Variants in SATB2 observed in about 807,000 individuals in gnomAD.
SATB2 encodes DNA-binding protein SATB2.
In SATB2, 1 loss-of-function variant was observed where a neutral mutation model predicts 73.4. That is an observed-to-expected ratio of 0.01 (90% confidence interval 0.00 to 0.06). The LOEUF (loss-of-function observed/expected upper bound fraction) is 0.06, where lower values mean the gene tolerates loss of function less well. SATB2 is among the 10% of genes least tolerant of loss of function. The probability of loss-of-function intolerance (pLI) is 1.00; values close to 1 mark genes in which losing one functional copy is unlikely to be tolerated. For missense variants in SATB2, 459 were observed against 945.8 expected, an observed-to-expected ratio of 0.49 and a Z score of 6.75; for synonymous variants, 397 against 367.0, an observed-to-expected ratio of 1.08 and a Z score of -0.93.
chr2:199,359,418 A>G (rs1689074510), intron 6 of SATB2, among the ~76,000 whole-genome samples: 1 of 152,234 alleles, frequency 6.6e-6, no homozygotes, highest in Admixed American at 6.5e-5. Context: ...AATAACTAGT[A>G]GAAACATAGA....
rs773072163 is a variant in SATB2 at position 199,455,996 on chromosome 2, G to C, written c.42C>G (p.Pro14=). 1.0e-4 allele frequency: 159 copies of C among 1,542,082 alleles called. No individual in the cohort carries two copies. Among genetic ancestry groups the C allele is most frequent in the Non-Finnish European group, 1.3e-4 (151 of 1,148,744 alleles). ...CGTCCGGGCTGCCGCTCCGCCGGTC[G>C]GGGCTGTCCCGCAGACACGGGCTCT... ...RSESPCLRDS[P]DRRSGSPDVK... The change falls in exon 2 of 11, where the codon CCC becomes CCG. Residue 14 remains proline (P), a synonymous_variant. Coordinates refer to ENST00000417098, the MANE Select transcript of SATB2 (RefSeq NM_001172509.2). The surrounding 1 kb of genome is among the most constrained non-coding windows in gnomAD (Gnocchi z 4.1).
intron 7 of SATB2, chr2:199,329,428 CAAAAA>C (rs5837677): frequency 2.5e-4 from 32 of 126,136 alleles, no homozygotes; most frequent in Admixed American, 6.2e-4. Flanking sequence ...ATTTCTTATG[CAAAAA>C]AAAAAAAAAA....
chr2:199,426,407 G>T (rs1691329555), intron 3 of SATB2, among the ~76,000 whole-genome samples: 1 of 151,986 alleles, frequency 6.6e-6, no homozygotes, highest in South Asian at 2.1e-4. Flanking sequence ...TCCTGCCTCA[G>T]CCTCCACAGT....
intron 3 of SATB2, among the ~76,000 whole-genome samples, chr2:199,409,450 G>A (rs957514993): frequency 3.9e-5 from 6 of 152,078 alleles, no homozygotes; most frequent in South Asian, 2.1e-4. Context: ...GATTACAGGC[G>A]TAAGCCACTG....
At chr2:199,469,847 C>T (rs1223212338), upstream of SATB2, 1 of 152,444 alleles carries the variant, frequency 6.6e-6, no homozygotes, top group Non-Finnish European at 1.5e-5. Context: ...ATGTTCACAC[C>T]TATTACATTT....
intron 7 of SATB2, among the ~76,000 whole-genome samples, chr2:199,332,326 T>C (rs1195917597): frequency 1.3e-5 from 2 of 152,036 alleles, no homozygotes; most frequent in Non-Finnish European, 2.9e-5. Context: ...CTGCACAAGG[T>C]AGAGAGATAC....
chr2:199,433,933 TAA>T (rs1691579311), intron 2 of SATB2, among the ~76,000 whole-genome samples: 1 of 152,052 alleles, frequency 6.6e-6, no homozygotes, highest in Non-Finnish European at 1.5e-5. Context: ...CACGTAAAAG[TAA>T]TATATTTCTC....
intron 7 of SATB2, among the ~76,000 whole-genome samples, chr2:199,339,726 A>G (rs1688449255): frequency 6.6e-6 from 1 of 152,196 alleles, no homozygotes; most frequent in Non-Finnish European, 1.5e-5. Flanking sequence ...AGAATTCTGA[A>G]TACCTTAAAG....
chr2:199,290,939 A>G (rs981362375), intron 10 of SATB2, among the ~76,000 whole-genome samples: 2 of 152,232 alleles, frequency 1.3e-5, no homozygotes, highest in Admixed American at 6.5e-5. Flanking sequence ...ACCTTTAAAA[A>G]CAATGCAGAA....
chr2:199,392,405 A>ACAATACC (rs1380680288), intron 3 of SATB2, among the ~76,000 whole-genome samples: 1 of 149,958 alleles, frequency 6.7e-6, no homozygotes, highest in Non-Finnish European at 1.5e-5. Context: ...GGCTGAATAG[A>ACAATACC]CAATACCCAG....
chr2:199,450,424 A>T (rs958374861), intron 2 of SATB2, among the ~76,000 whole-genome samples: 2 of 152,164 alleles, frequency 1.3e-5, no homozygotes, highest in African/African-American at 4.8e-5. Context: ...ACCATATATT[A>T]GTTATATAGG....
intron 3 of SATB2, among the ~76,000 whole-genome samples, chr2:199,427,410 T>TA (rs1002812065): frequency 1.1e-4 from 16 of 148,680 alleles, no homozygotes; most frequent in Admixed American, 4.0e-4. Flanking sequence ...AAGGCAACAC[T>TA]AAAAAAAAAA....
At chr2:199,278,904 A>G (rs1162762111) in intron 10 of SATB2, among the ~76,000 whole-genome samples, 1 of 152,242 alleles carries the variant, frequency 6.6e-6, no homozygotes, top group African/African-American at 2.4e-5. Context: ...AGAATTTTTT[A>G]AAAAGTATAT....
At chr2:199,427,174 A>G (rs1691361670) in intron 3 of SATB2, among the ~76,000 whole-genome samples, 1 of 152,182 alleles carries the variant, frequency 6.6e-6, no homozygotes, top group African/African-American at 2.4e-5. Flanking sequence ...CATCGTGCAC[A>G]GCCACTAATT....
chr2:199,438,922 C>G (rs1691729280), intron 2 of SATB2, among the ~76,000 whole-genome samples: 1 of 152,222 alleles, frequency 6.6e-6, no homozygotes, highest in Admixed American at 6.5e-5. Context: ...TTCAGGTTAT[C>G]CAGCTCTAAA....
At chr2:199,338,988 T>G (rs1426351009) in intron 7 of SATB2, among the ~76,000 whole-genome samples, 6 of 151,866 alleles carry the variant, frequency 4.0e-5, no homozygotes, top group African/African-American at 1.5e-4. Flanking sequence ...TTCTTCTGAT[T>G]CTCTTGCATG....
At chr2:199,380,548 G>A (rs997117216) in intron 4 of SATB2, 61 bp from the exon 5 acceptor site, 1 of 1,590,048 alleles carries the variant, frequency 6.3e-7, no homozygotes, top group Admixed American at 1.7e-5. Context: ...TGACTGAAGA[G>A]GAGACACTGC....
intron 3 of SATB2, chr2:199,397,798 A>G: frequency 2.4e-6 from 1 of 420,834 alleles, no homozygotes; most frequent in Non-Finnish European, 4.7e-6. Flanking sequence ...CTGAGGTGGG[A>G]GGATCCCTTA....
chr2:199,468,501 G>T (rs572749221), upstream of SATB2, among the ~76,000 whole-genome samples: 1 of 152,336 alleles, frequency 6.6e-6, no homozygotes, highest in South Asian at 2.1e-4. Context: ...AATTCCACCT[G>T]TGGGGAATCT....
Sources: allele counts gnomAD v4.1 joint callset (sites outside exome capture counted in the v4.1 genomes callset), GRCh38; gene constraint gnomAD v4.1.1; non-coding constraint Gnocchi (gnomAD v3.1); transcripts MANE v1.5; gene names NCBI Gene and HGNC (gene_info 2026-07-23, HGNC 2026-07-21).